The following PDZRN3 variants were observed in gnomAD, a reference collection of about 807,000 sequenced individuals.
The protein encoded by PDZRN3 is PDZ domain containing ring finger 3.
PDZRN3 carries 38 observed loss-of-function variants against 85.7 expected under a neutral mutation model. That is an observed-to-expected ratio of 0.44 (90% confidence interval 0.34 to 0.58). The LOEUF (loss-of-function observed/expected upper bound fraction) is 0.58. Ranked by LOEUF, PDZRN3 falls within the 20% of genes least tolerant of loss-of-function variation. PDZRN3 has a pLI of 0.01. For missense variants in PDZRN3, 1,629 were observed against 1,506.4 expected (o/e 1.08, Z -1.35); for synonymous variants, 759 against 638.0 (o/e 1.19, Z -2.86).
intron 3 of PDZRN3, among the ~76,000 whole-genome samples, chr3:73,543,457 T>C (rs1173286367): frequency 6.6e-6 from 1 of 152,236 alleles, no homozygotes; most frequent in East Asian, 1.9e-4. Context: ...AGGTATCTCA[T>C]CCAGACTTTA....
Position 73,437,449 on chromosome 3 carries a change from A to T in PDZRN3, c.919-33054T>A, listed in dbSNP as rs142318222. Among the ~76,000 whole-genome samples the T allele has an allele frequency of 4.4e-4, 67 of 152,278 alleles. No homozygotes were observed. The East Asian group carries it at 0.012, about 28-fold the overall frequency. ...TGCTATTTTTACAAAAATGTTTTTG[A>T]CCTCACAGATCCCCAGAAACAAGTG... On this transcript the variant is annotated intron_variant, in intron 3 of 9. Transcript: ENST00000263666.
At chr3:73,393,747 C>G (rs538221319) in intron 5 of PDZRN3, among the ~76,000 whole-genome samples, 1 of 152,190 alleles carries the variant, frequency 6.6e-6, no homozygotes, top group African/African-American at 2.4e-5. Context: ...TGCTTGTATT[C>G]AAGCAAGAAA....
At chr3:73,526,089 C>T (rs907687926) in intron 3 of PDZRN3, among the ~76,000 whole-genome samples, 1 of 152,130 alleles carries the variant, frequency 6.6e-6, no homozygotes, top group African/African-American at 2.4e-5. Flanking sequence ...CCTCTCTGGG[C>T]GGTAGTTTCT....
intron 3 of PDZRN3, among the ~76,000 whole-genome samples, chr3:73,588,735 A>G (rs1056542939): frequency 6.6e-6 from 1 of 152,240 alleles, no homozygotes; most frequent in African/African-American, 2.4e-5. Context: ...TACAGTCATG[A>G]CACACAGTTT....
chr3:73,571,405 T>C (rs977992223), intron 3 of PDZRN3, among the ~76,000 whole-genome samples: 1 of 152,222 alleles, frequency 6.6e-6, no homozygotes, highest in Non-Finnish European at 1.5e-5. Flanking sequence ...TTTATGTCAA[T>C]GTCCTTTTAT....
At chr3:73,385,503 T>A (rs895297031) in intron 9 of PDZRN3, among the ~76,000 whole-genome samples, 166 bp downstream of exon 9, 1 of 152,260 alleles carries the variant, frequency 6.6e-6, no homozygotes, top group African/African-American at 2.4e-5. Flanking sequence ...AGCTTGCATT[T>A]CACTGGTCTG....
intron 3 of PDZRN3, among the ~76,000 whole-genome samples, chr3:73,511,439 A>AG (rs1704162948): frequency 6.6e-6 from 1 of 152,082 alleles, no homozygotes; most frequent in Admixed American, 6.5e-5. Context: ...CTGGGTTTCC[A>AG]GGGGGTGAAC....
intron 3 of PDZRN3, among the ~76,000 whole-genome samples, chr3:73,471,875 G>T (rs1476955715): frequency 6.6e-6 from 1 of 152,154 alleles, no homozygotes; most frequent in Non-Finnish European, 1.5e-5. Flanking sequence ...ATATAAATGG[G>T]TCCAGGACAA....
At chr3:73,444,241 T>C (rs560088477) in intron 3 of PDZRN3, among the ~76,000 whole-genome samples, 4 of 152,198 alleles carry the variant, frequency 2.6e-5, no homozygotes, top group Non-Finnish European at 5.9e-5. Context: ...TCCAATCCCA[T>C]GCATATTAAA....
intron 3 of PDZRN3, among the ~76,000 whole-genome samples, chr3:73,496,723 T>A (rs1369811843): frequency 6.6e-6 from 1 of 152,114 alleles, no homozygotes; most frequent in East Asian, 1.9e-4. Flanking sequence ...ATTAAAAAGA[T>A]ACAAACCCAA....
chr3:73,523,530 A>G (rs1679520050), intron 3 of PDZRN3, among the ~76,000 whole-genome samples: 1 of 152,204 alleles, frequency 6.6e-6, no homozygotes, highest in Non-Finnish European at 1.5e-5. Context: ...ATATCAAACA[A>G]CAAAAGCACT....
intron 1 of PDZRN3, among the ~76,000 whole-genome samples, chr3:73,611,411 T>C (rs887656484): frequency 6.6e-6 from 1 of 152,228 alleles, no homozygotes; most frequent in Non-Finnish European, 1.5e-5. Context: ...GCAAAGAATG[T>C]TTCTGAACAA....
intron 3 of PDZRN3, among the ~76,000 whole-genome samples, chr3:73,434,376 A>G (rs1239226929): frequency 6.6e-6 from 1 of 152,228 alleles, no homozygotes; most frequent in Non-Finnish European, 1.5e-5. Context: ...CATGTTTTGA[A>G]TAATGTTCAT....
chr3:73,423,682 A>C (rs1702247226), intron 3 of PDZRN3, among the ~76,000 whole-genome samples: 1 of 152,194 alleles, frequency 6.6e-6, no homozygotes, highest in South Asian at 2.1e-4. Flanking sequence ...AATGCTTTAT[A>C]TATATATTTT....
intron 3 of PDZRN3, among the ~76,000 whole-genome samples, chr3:73,477,299 C>T (rs1318522628): frequency 6.6e-6 from 1 of 152,152 alleles, no homozygotes; most frequent in Non-Finnish European, 1.5e-5. Flanking sequence ...AAGTATCTTG[C>T]TCCAGGACAC....
rs1704237625 is a variant in PDZRN3 at position 73,515,293 on chromosome 3, A to C, written c.918+87061T>G. Among the ~76,000 whole-genome samples, 4 of 149,156 alleles carry C rather than the reference A, an allele frequency of 2.7e-5. No homozygotes were observed. In the South Asian group the frequency reaches 6.4e-4, roughly 24 times the overall value. On this transcript the variant is annotated intron_variant, in intron 3 of 9. Transcript: ENST00000263666. ...CAGGTTTACACCATTCTCCTGCCTC[A>C]GCCTCCGAAGTAGCTGGGACTACAG... is the stretch of plus-strand genomic sequence containing the variant.
intron 3 of PDZRN3, among the ~76,000 whole-genome samples, chr3:73,448,997 T>C (rs970426859): frequency 2.6e-4 from 39 of 152,254 alleles, no homozygotes; most frequent in African/African-American, 9.4e-4. Flanking sequence ...CTGATTTTCA[T>C]GGGACTTTGA....
chr3:73,469,266 T>G (rs989010210), intron 3 of PDZRN3, among the ~76,000 whole-genome samples: 2 of 152,024 alleles, frequency 1.3e-5, no homozygotes, highest in African/African-American at 4.8e-5. Context: ...GGAAACAAGG[T>G]TTCACCATGT....
At chr3:73,385,838 TTA>T in intron 8 of PDZRN3, 53 bp from the exon 9 acceptor site, 2 of 1,045,322 alleles carry the variant, frequency 1.9e-6, no homozygotes, top group South Asian at 1.3e-5. Context: ...TCATGTTCAT[TTA>T]TGTTTTTTTA....
Sources: allele counts gnomAD v4.1 joint callset (sites outside exome capture counted in the v4.1 genomes callset), GRCh38; gene constraint gnomAD v4.1.1; transcripts MANE v1.5; gene names NCBI Gene and HGNC (gene_info 2026-07-23, HGNC 2026-07-21).